MINDY4B: variants seen among roughly 807,000 people sequenced by gnomAD.
MINDY4B encodes inactive ubiquitin carboxyl-terminal hydrolase MINDY-4B.
In MINDY4B, 25 loss-of-function variants were observed where a neutral mutation model predicts 16.7. The observed-to-expected ratio is 1.49, with a 90% CI of 1.09 to 2.09. The LOEUF (loss-of-function observed/expected upper bound fraction) is 2.09, where lower values mean the gene tolerates loss of function less well. Ranked by LOEUF, MINDY4B falls within the 30% of genes most tolerant of loss-of-function variation. The pLI is 0.00. For synonymous variants in MINDY4B, 132 were observed against 61.9 expected (o/e 2.13, Z -5.32); for missense variants, 327 against 168.4 (o/e 1.94, Z -5.21).
At chr3:150,893,702 G>A (rs903008430) in intron 4 of MINDY4B, among the ~76,000 whole-genome samples, 2 of 89,718 alleles carry the variant, frequency 2.2e-5, no homozygotes, top group African/African-American at 3.1e-5. Flanking sequence ...TTTTTGGGGG[G>A]GGGGGTGGGG....
chr3:150,877,247 A>G (rs1040246385), intron 10 of MINDY4B, among the ~76,000 whole-genome samples: 1 of 152,162 alleles, frequency 6.6e-6, no homozygotes, highest in African/African-American at 2.4e-5. Flanking sequence ...GAACTAAGAA[A>G]TCTTTCTTAT....
intron 10 of MINDY4B, among the ~76,000 whole-genome samples, chr3:150,880,454 G>T (rs1711513538): frequency 1.3e-5 from 2 of 152,124 alleles, no homozygotes; most frequent in Admixed American, 1.3e-4. Flanking sequence ...AAAAACAAAT[G>T]TTTAATTAAA....
intron 11 of MINDY4B, among the ~76,000 whole-genome samples, chr3:150,872,323 G>A (rs766075818): frequency 6.6e-6 from 1 of 152,212 alleles, no homozygotes; most frequent in Non-Finnish European, 1.5e-5. Flanking sequence ...ATTAGGAGCT[G>A]CACAAATAAA....
rs755087598 is a variant in MINDY4B at position 150,891,055 on chromosome 3, C to T, written c.570G>A (p.Ala190=). The T allele has an allele frequency of 1.4e-5, 10 of 702,688 alleles. No homozygotes were observed. Among genetic ancestry groups the T allele is most frequent in the East Asian group, 5.4e-5 (2 of 37,302 alleles). 43.5% of individuals were successfully genotyped at this position (702,688 alleles called of 1,614,324 possible). The change falls in exon 6 of 12, where the codon GCG becomes GCA. Residue 190 remains alanine (A), a synonymous_variant. Coordinates refer to ENST00000465419, the MANE Select transcript of MINDY4B (RefSeq NM_001351281.2). ...KKEQEQALAA[A]LAGILWAAGA... ...CTGCAGCCCACAGGATGCCAGCAAG[C>T]GCCGCGGCCAAGGCTTGCTCCTGCT...
intron 10 of MINDY4B, among the ~76,000 whole-genome samples, chr3:150,878,347 G>A (rs753020956): frequency 6.6e-6 from 1 of 152,090 alleles, no homozygotes; most frequent in Non-Finnish European, 1.5e-5. Flanking sequence ...ACCTTGATAC[G>A]TATGTTTCTA....
At chr3:150,905,178 G>A in intron 1 of MINDY4B, 89 bp from the exon 2 acceptor site, 1 of 398,382 alleles carries the variant, frequency 2.5e-6, no homozygotes, top group Non-Finnish European at 4.4e-6. Context: ...CCTTGCTAGG[G>A]AAGTCTCTGT....
chr3:150,882,525 G>A (rs1032792499), intron 10 of MINDY4B, among the ~76,000 whole-genome samples: 1 of 150,948 alleles, frequency 6.6e-6, no homozygotes, highest in Non-Finnish European at 1.5e-5. Context: ...AGCCGCATGG[G>A]GATGACAGAG....
intron 3 of MINDY4B, among the ~76,000 whole-genome samples, chr3:150,899,954 C>A (rs1489512261): frequency 6.6e-6 from 1 of 152,208 alleles, no homozygotes; most frequent in East Asian, 1.9e-4. Flanking sequence ...CTTGGTATTA[C>A]ATTTTTACTA....
intron 10 of MINDY4B, among the ~76,000 whole-genome samples, chr3:150,881,298 C>A (rs138275595): frequency 6.6e-6 from 1 of 151,782 alleles, no homozygotes; most frequent in Non-Finnish European, 1.5e-5. Context: ...GCAGGAGAAT[C>A]GCTTGAACCC....
At chr3:150,873,026 G>A (rs1472191467) in intron 11 of MINDY4B, among the ~76,000 whole-genome samples, 161 bp downstream of exon 11, 1 of 152,142 alleles carries the variant, frequency 6.6e-6, no homozygotes, top group Non-Finnish European at 1.5e-5. Flanking sequence ...CAATACTTGG[G>A]TTTAGGGCCA....
intron 5 of MINDY4B, among the ~76,000 whole-genome samples, chr3:150,893,114 A>G (rs1266962422): frequency 3.3e-5 from 5 of 152,158 alleles, no homozygotes; most frequent in Non-Finnish European, 2.9e-5. Flanking sequence ...AAAACCTGTC[A>G]ACATTATCCC....
intron 3 of MINDY4B, among the ~76,000 whole-genome samples, chr3:150,896,057 T>C (rs1344521455): frequency 2.6e-5 from 4 of 152,060 alleles, no homozygotes; most frequent in African/African-American, 9.7e-5. Context: ...GGAGGCTTTG[T>C]TCATATTTTC....
At chr3:150,877,171 C>A (rs1711498030) in intron 10 of MINDY4B, among the ~76,000 whole-genome samples, 1 of 152,104 alleles carries the variant, frequency 6.6e-6, no homozygotes, top group Non-Finnish European at 1.5e-5. Context: ...ACGGAGGCAG[C>A]ATTACAGGAT....
chr3:150,891,061 G>A lies in MINDY4B; in HGVS notation c.564C>T (p.Ala188=), dbSNP rs1020501457. The A allele has an allele frequency of 4.3e-5, 30 of 702,682 alleles. No homozygotes were observed. The highest frequency in any genetic ancestry group is 7.4e-5 in the South Asian group (5 of 67,598). 43.5% of individuals were successfully genotyped at this position (702,682 alleles called of 1,614,324 possible). A position where few individuals can be genotyped will look rare whatever the true frequency, so the allele number is the denominator to read the frequency against. Reference sequence around the variant, plus strand: ...CCCACAGGATGCCAGCAAGCGCCGCGGCCAAGGCTTGCTCCTGCTCCTTCT... The same window carrying A: ...CCCACAGGATGCCAGCAAGCGCCGCAGCCAAGGCTTGCTCCTGCTCCTTCT... ...ISKKEQEQAL[A]AALAGILWAA... The change falls in exon 6 of 12, where the codon GCC becomes GCT. Residue 188 remains alanine, a synonymous_variant. Coordinates refer to ENST00000465419, the MANE Select transcript of MINDY4B (RefSeq NM_001351281.2).
chr3:150,894,146 T>G, intron 4 of MINDY4B, 40 bp downstream of exon 4: 1 of 659,750 alleles, frequency 1.5e-6, no homozygotes, highest in Non-Finnish European at 2.7e-6. Flanking sequence ...ATAAGGAACA[T>G]GGGAATAAGG....
chr3:150,878,912 T>C (rs1711501284), intron 10 of MINDY4B, among the ~76,000 whole-genome samples: 1 of 152,230 alleles, frequency 6.6e-6, no homozygotes, highest in African/African-American at 2.4e-5. Context: ...CAGACTTGTG[T>C]AGAAAGAAAT....
chr3:150,887,880 G>A (rs1391577446), intron 7 of MINDY4B, among the ~76,000 whole-genome samples: 4 of 152,228 alleles, frequency 2.6e-5, no homozygotes, highest in African/African-American at 7.2e-5. Context: ...AGGTTGAGGC[G>A]GGCGGATCAC....
At chr3:150,892,631 A>G (rs1711846230) in intron 5 of MINDY4B, among the ~76,000 whole-genome samples, 1 of 152,078 alleles carries the variant, frequency 6.6e-6, no homozygotes, top group Non-Finnish European at 1.5e-5. Flanking sequence ...ACCAAACATC[A>G]TACCTTATCA....
chr3:150,873,047 G>A (rs1432817779), intron 11 of MINDY4B, 140 bp downstream of exon 11: 1 of 568,678 alleles, frequency 1.8e-6, no homozygotes, highest in Admixed American at 3.2e-5. Context: ...TGGGATTCAT[G>A]TGTGGGTTTC....
Sources: allele counts gnomAD v4.1 joint callset (sites outside exome capture counted in the v4.1 genomes callset), GRCh38; gene constraint gnomAD v4.1.1; transcripts MANE v1.5; gene names NCBI Gene and HGNC (gene_info 2026-07-23, HGNC 2026-07-21).